PRKCD: variants seen among roughly 807,000 people sequenced by gnomAD.
PRKCD encodes the protein protein kinase C delta type.
PRKCD carries 20 observed loss-of-function variants against 82.2 expected under a neutral mutation model. The ratio of observed to expected loss-of-function variants is 0.24; its 90% CI spans 0.17 to 0.35. The LOEUF (loss-of-function observed/expected upper bound fraction) is 0.35. Ranked by LOEUF, PRKCD falls within the 10% of genes least tolerant of loss-of-function variation. The pLI, the probability that PRKCD is intolerant of heterozygous loss-of-function variation, is 1.00. For missense variants in PRKCD, 607 were observed against 899.0 expected (o/e 0.68, Z 4.15); for synonymous variants, 317 against 337.0 (o/e 0.94, Z 0.65).
chr3:53,182,419 C>A (rs1356560989), intron 7 of PRKCD, among the ~76,000 whole-genome samples: 1 of 152,200 alleles, frequency 6.6e-6, no homozygotes, highest in East Asian at 1.9e-4. Context: ...CAGGCGTGCA[C>A]CACCATGCCC....
In PRKCD at chr3:53,182,359, C is replaced by T. The variant is rs1454560704; in HGVS notation, c.571+627C>T. On this transcript the variant is annotated intron_variant, in intron 7 of 18. Coordinates refer to ENST00000330452, the MANE Select transcript of PRKCD (RefSeq NM_006254.4). ...TCTCAGCTCACTGTAACCTCCCTCT[C>T]CAAGGTTCAAGCGATTCTCTTGCCT... Among the ~76,000 whole-genome samples, 56 of 152,098 alleles carry T rather than the reference C, an allele frequency of 3.7e-4. 1 individual carries two copies. Among genetic ancestry groups the T allele is most frequent in the Admixed American group, 3.5e-3 (53 of 15,274 alleles).
intron 2 of PRKCD, chr3:53,173,470 GTTT>G (rs1703109276): frequency 6.6e-6 from 1 of 152,188 alleles, no homozygotes; most frequent in Non-Finnish European, 1.5e-5. Context: ...CCTAGGTTTT[GTTT>G]TTGTTTTATT....
At chr3:53,177,784 G>C (rs531261136) in intron 2 of PRKCD, among the ~76,000 whole-genome samples, 1 of 152,092 alleles carries the variant, frequency 6.6e-6, no homozygotes, top group African/African-American at 2.4e-5. Flanking sequence ...GGTAGGAGGA[G>C]TGAAGAGAGT....
chr3:53,181,513 A>G lies in PRKCD; in HGVS notation c.446A>G (p.Lys149Arg), dbSNP rs74793932. The change falls in exon 6 of 19, where the codon AAA becomes AGA. Residue 149 changes from lysine (K) to arginine (R), a missense_variant. Transcript: ENST00000330452. ...ACGATGAACCGCCGCGGAGCCATCA[A>G]ACAGGCCAAAATCCACTACATCAAG... is the stretch of plus-strand genomic sequence containing the variant. ...FPTMNRRGAI[K>R]QAKIHYIKNH... The G allele has an allele frequency of 2.5e-6, 4 of 1,614,242 alleles. No individual in the cohort carries two copies. The highest frequency in any genetic ancestry group is 2.2e-5 in the East Asian group (1 of 44,886).
In PRKCD at chr3:53,189,379, G is replaced by C. The variant is rs922817075; in HGVS notation, c.1743+133G>C. ...GTGGTGCTGCAGTCCTAACATACGG[G>C]GTATTGCTCTCTCACCATGTTCCCA... On this transcript the variant is annotated intron_variant, in intron 17 of 18. Transcript: ENST00000330452. 5.2e-6 allele frequency: 5 copies of C among 959,896 alleles called. No homozygotes were observed. In the African/African-American group the frequency reaches 8.3e-5, roughly 16 times the overall value. 59.5% of individuals were successfully genotyped at this position (959,896 alleles called of 1,614,324 possible). A position where few individuals can be genotyped will look rare whatever the true frequency, so the allele number is the denominator to read the frequency against.
chr3:53,178,309 A>G, intron 2 of PRKCD, 95 bp from the exon 3 acceptor site: 1 of 712,988 alleles, frequency 1.4e-6, no homozygotes, highest in African/African-American at 1.8e-5. Flanking sequence ...ACCCAATCAT[A>G]GCAGAGCCCT....
chr3:53,171,779 T>A (rs1703039198), intron 2 of PRKCD, among the ~76,000 whole-genome samples: 2 of 152,322 alleles, frequency 1.3e-5, no homozygotes, highest in East Asian at 3.9e-4. Context: ...GAGACATATG[T>A]TCACAGAGTA....
chr3:53,167,180 G>A (rs1553664005), intron 2 of PRKCD, among the ~76,000 whole-genome samples: 1 of 152,182 alleles, frequency 6.6e-6, no homozygotes, highest in East Asian at 1.9e-4. Flanking sequence ...GTTTTGGAGT[G>A]GGACTGACCA....
intron 8 of PRKCD, 59 bp from the exon 9 acceptor site, chr3:53,183,393 G>A: frequency 1.9e-6 from 3 of 1,606,744 alleles, no homozygotes; most frequent in Non-Finnish European, 2.6e-6. Flanking sequence ...AGAGCTAGGG[G>A]TTGAAGAAGA....
intron 15 of PRKCD, 65 bp downstream of exon 15, chr3:53,187,467 A>G: frequency 1.9e-6 from 3 of 1,560,826 alleles, no homozygotes; most frequent in Non-Finnish European, 2.6e-6. Context: ...TATCTTCTGA[A>G]ATGCTCCAAG....
intron 2 of PRKCD, among the ~76,000 whole-genome samples, chr3:53,172,593 G>A (rs1031550799): frequency 2.6e-5 from 4 of 152,202 alleles, no homozygotes; most frequent in African/African-American, 4.8e-5. Flanking sequence ...TGTGACTTCC[G>A]TGGCAGGTGT....
chr3:53,192,063 C>A (rs1553671021), intron 18 of PRKCD, 45 bp from the exon 19 acceptor site: 3 of 1,605,804 alleles, frequency 1.9e-6, no homozygotes, highest in Admixed American at 1.7e-5. Context: ...GTCTGGAGGG[C>A]CATTCCCTAG....
At chr3:53,172,876 A>G (rs1031540939) in intron 2 of PRKCD, among the ~76,000 whole-genome samples, 11 of 152,188 alleles carry the variant, frequency 7.2e-5, no homozygotes, top group Non-Finnish European at 1.2e-4. Context: ...AACAGGCATC[A>G]TTCTGTGGCC....
At chr3:53,184,838 T>G (rs1553668617) in intron 9 of PRKCD, 36 bp from the exon 10 acceptor site, 2 of 1,595,724 alleles carry the variant, frequency 1.3e-6, no homozygotes, top group Non-Finnish European at 1.7e-6. Flanking sequence ...TTGGCTGAGC[T>G]CTGAGACTGA....
chr3:53,188,937 G>A (rs1460937553), intron 16 of PRKCD, 79 bp downstream of exon 16: 5 of 1,593,726 alleles, frequency 3.1e-6, no homozygotes, highest in Non-Finnish European at 4.3e-6. Context: ...GATTCCCAAG[G>A]GCAGTGATGT....
chr3:53,164,734 G>T (rs782561831), intron 1 of PRKCD, among the ~76,000 whole-genome samples: 2 of 152,062 alleles, frequency 1.3e-5, no homozygotes, highest in Non-Finnish European at 2.9e-5. Flanking sequence ...CAGGGAAATT[G>T]CACCAGGACA....
intron 4 of PRKCD, 109 bp downstream of exon 4, chr3:53,179,885 C>G: frequency 7.3e-7 from 1 of 1,364,098 alleles, no homozygotes; most frequent in Non-Finnish European, 1.0e-6. Context: ...GTGAGCACAG[C>G]TGAAGAGCAC....
At chr3:53,161,942 G>A (rs1702678240) in intron 1 of PRKCD, among the ~76,000 whole-genome samples, 1 of 142,250 alleles carries the variant, frequency 7.0e-6, no homozygotes, top group African/African-American at 2.6e-5. Context: ...GCCGCCCCCT[G>A]CCAGTCCAGC....
Position 53,189,205 on chromosome 3 carries a change from C to T in PRKCD, c.1702C>T (p.Pro568Ser), listed in dbSNP as rs1703828073. 1 of 1,613,908 alleles carries T rather than the reference C, an allele frequency of 6.2e-7. No individual in the cohort carries two copies. Among genetic ancestry groups the T allele is most frequent in the Non-Finnish European group, 8.5e-7 (1 of 1,179,890 alleles). The part of the protein sequence containing the change: ...ESIRVDTPHY[P>S]RWITKESKDI... Reference sequence around the variant, plus strand: ...CATCCGTGTGGACACGCCACATTATCCCCGCTGGATCACCAAGGAGTCCAA... The same window carrying T: ...CATCCGTGTGGACACGCCACATTATTCCCGCTGGATCACCAAGGAGTCCAA... Residue 568 changes from proline (P) to serine (S), a missense_variant, in exon 17 of 19, where the codon CCC becomes TCC. Pro to Ser is a moderately conservative substitution (Grantham distance 74, BLOSUM62 -1). Transcript: ENST00000330452.
Sources: gnomAD v4.1 joint callset for allele counts (sites outside exome capture counted in the v4.1 genomes callset) on GRCh38, gnomAD v4.1.1 for gene constraint, MANE v1.5 for transcripts, NCBI Gene and HGNC (gene_info 2026-07-23, HGNC 2026-07-21) for gene names.